The following KRT20 variants were observed in gnomAD, a reference collection of about 807,000 sequenced individuals.
KRT20 encodes keratin, type I cytoskeletal 20.
In KRT20, 41 loss-of-function variants were observed where a neutral mutation model predicts 43.0. That is an observed-to-expected ratio of 0.95 (90% CI 0.74 to 1.24). KRT20 has a LOEUF of 1.24. Among genes scored for constraint, KRT20 ranks in the 50% most tolerant of loss-of-function variants. The pLI is 0.00. For missense variants in KRT20, 533 were observed against 521.2 expected, an observed-to-expected ratio of 1.02 and a Z score of -0.22; for synonymous variants, 207 against 200.6, an observed-to-expected ratio of 1.03 and a Z score of -0.27.
rs1907737250 is a variant in KRT20 at position 40,884,859 on chromosome 17, G to T, written c.327C>A (p.Asn109Lys). The T allele has an allele frequency of 6.2e-7, 1 of 1,614,172 alleles. No individual in the cohort carries two copies. Among genetic ancestry groups the T allele is most frequent in the Non-Finnish European group, 8.5e-7 (1 of 1,180,046 alleles). Residue 109 changes from asparagine to lysine, a missense_variant, in exon 1 of 8, where the codon AAC becomes AAA. Physicochemically the swap from Asn to Lys is moderately conservative, Grantham distance 94 (BLOSUM62 0). Transcript: ENST00000167588. ...EVQIKQWYET[N>K]APRAGRDYSA... ...TGTAGTCGCGACCAGCCCTCGGGGC[G>T]TTGGTTTCGTACCACTGCTTGATTT... is the stretch of plus-strand genomic sequence containing the variant.
chr17:40,880,593 C>T lies in KRT20; in HGVS notation c.630+21G>A, dbSNP rs747302360. 14 of 1,603,732 alleles carry T rather than the reference C, an allele frequency of 8.7e-6. No individual in the cohort carries two copies. The South Asian group carries it at 9.9e-5, about 11-fold the overall frequency. The stretch of plus-strand genomic sequence containing the variant: ...AGAACCATTCCATTGTTTCCAATAC[C>T]ACTTCTGAATATTTTCTCACCTCCT... On this transcript the variant is annotated intron_variant, in intron 3 of 7. Transcript: ENST00000167588.
intron 1 of KRT20, 29 bp downstream of exon 1, chr17:40,884,767 G>C: frequency 6.3e-7 from 1 of 1,592,976 alleles, no homozygotes; most frequent in East Asian, 2.2e-5. Context: ...GCTAAACACA[G>C]AGTAGGAAAC....
Position 40,884,862 on chromosome 17 carries a change from G to A in KRT20, c.324C>T (p.Thr108=). 6.2e-7 allele frequency: 1 copy of A among 1,614,150 alleles called. No individual in the cohort carries two copies. Among genetic ancestry groups the A allele is most frequent in the Non-Finnish European group, 8.5e-7 (1 of 1,180,036 alleles). ...LEVQIKQWYE[T]NAPRAGRDYS... Reference sequence around the variant, plus strand: ...AGTCGCGACCAGCCCTCGGGGCGTTGGTTTCGTACCACTGCTTGATTTGCA... The same window carrying A: ...AGTCGCGACCAGCCCTCGGGGCGTTAGTTTCGTACCACTGCTTGATTTGCA... The change falls in exon 1 of 8, where the codon ACC becomes ACT. Residue 108 remains threonine, a synonymous_variant. Transcript: ENST00000167588.
chr17:40,885,172 C>T lies in KRT20; in HGVS notation c.14G>A (p.Arg5His), dbSNP rs1907761777. The part of the protein sequence containing the change: MDFS[R>H]RSFHRSLSSS... ...GCTCAGGCTTCTGTGGAAGCTTCTG[C>T]GACTGAAATCCATTGGAGATTCCAG... Residue 5 changes from arginine (R) to histidine (H), a missense_variant, in exon 1 of 8, where the codon CGC becomes CAC. By Grantham distance (29) the Arg-to-His change is conservative. Coordinates refer to ENST00000167588, the MANE Select transcript of KRT20 (RefSeq NM_019010.3). 7 of 1,600,186 alleles carry T rather than the reference C, an allele frequency of 4.4e-6. No homozygotes were observed. Among genetic ancestry groups the T allele is most frequent in the African/African-American group, 1.3e-5 (1 of 74,560 alleles).
chr17:40,884,976 C>G lies in KRT20; in HGVS notation c.210G>C (p.Glu70Asp), dbSNP rs201484814. The stretch of plus-strand genomic sequence containing the variant: ...CATTTAGGTTCTGCATGGCCATTTT[C>G]TCATTGCCAACAAACAGGTCCCCGC... The part of the protein sequence containing the change: ...TGGGDLFVGN[E>D]KMAMQNLNDR... The change falls in exon 1 of 8, where the codon GAG (glutamate) becomes GAC (aspartate). Residue 70 changes from glutamate (E) to aspartate (D), a missense_variant. By Grantham distance (45) the Glu-to-Asp change is conservative (BLOSUM62 2). Coordinates refer to ENST00000167588, the MANE Select transcript of KRT20 (RefSeq NM_019010.3). 19 of 1,614,082 alleles carry G rather than the reference C, an allele frequency of 1.2e-5. No individual in the cohort carries two copies. Among genetic ancestry groups the G allele is most frequent in the Non-Finnish European group, 1.6e-5 (19 of 1,180,052 alleles).
chr17:40,877,326 G>A lies in KRT20; in HGVS notation c.1177+54C>T, dbSNP rs957202038. 1.1e-5 allele frequency: 14 copies of A among 1,270,360 alleles called. No individual in the cohort carries two copies. In the Admixed American group the frequency reaches 1.5e-4, roughly 14 times the overall value. The allele number at this position is 1,270,360 out of a possible 1,614,324, so 78.7% of individuals were successfully genotyped here. On this transcript the variant is annotated intron_variant, in intron 7 of 7. Coordinates refer to ENST00000167588, the MANE Select transcript of KRT20 (RefSeq NM_019010.3). ...CTTTACTTTTTATCAGTGGCATGTA[G>A]TTAATAGAAAGCAGCTGAATGTCAT...
chr17:40,878,787 T>C (rs1459465549), intron 5 of KRT20, among the ~76,000 whole-genome samples: 1 of 148,528 alleles, frequency 6.7e-6, no homozygotes, highest in Non-Finnish European at 1.5e-5. Context: ...CAGGTCAAAC[T>C]GACAAATGCC....
intron 5 of KRT20, 113 bp from the exon 6 acceptor site, chr17:40,878,478 T>A (rs1050937739): frequency 4.0e-6 from 3 of 758,462 alleles, no homozygotes; most frequent in East Asian, 2.7e-5. Flanking sequence ...GTGGGCATGG[T>A]GTATATTTCT....
rs1907328757 is a variant in KRT20, at chr17:40,875,937, A to T, written c.*424T>A. The stretch of plus-strand genomic sequence containing the variant: ...ACCAGGGACTCCCAAAGGGGGTTTT[A>T]CAATTCAGAAACAGGAAAAAATTAG... On this transcript the variant is annotated 3_prime_UTR_variant, in exon 8 of 8. Coordinates refer to ENST00000167588, the MANE Select transcript of KRT20 (RefSeq NM_019010.3). 1 of 154,100 alleles carries T rather than the reference A, an allele frequency of 6.5e-6. No homozygotes were observed. The highest frequency in any genetic ancestry group is 2.4e-5 in the African/African-American group (1 of 41,504). 9.5% of individuals were successfully genotyped at this position (154,100 alleles called of 1,614,324 possible).
At chr17:40,877,454 C>T (rs2143295410) in intron 6 of KRT20, 37 bp from the exon 7 acceptor site, 1 of 1,327,956 alleles carries the variant, frequency 7.5e-7, no homozygotes, top group South Asian at 1.5e-5. Flanking sequence ...AAAAAAGAAA[C>T]AGAAAAAAGC....
rs749075299 is a variant in KRT20 at position 40,878,394 on chromosome 17, C to A, written c.919-29G>T. On this transcript the variant is annotated intron_variant, in intron 5 of 7. Transcript: ENST00000167588. ...TGAGCACAAGAAAAATAGGGCACTT[C>A]TTATGTGAGGACTTGATTCAAGAGA... 5 of 1,521,168 alleles carry A rather than the reference C, an allele frequency of 3.3e-6. No homozygotes were observed. The African/African-American group carries it at 6.9e-5, about 21-fold the overall frequency. 94.2% of individuals were successfully genotyped at this position (1,521,168 alleles called of 1,614,324 possible). A position where few individuals can be genotyped will look rare whatever the true frequency, so the allele number is the denominator to read the frequency against.
intron 2 of KRT20, 37 bp downstream of exon 2, chr17:40,882,534 CT>C: frequency 8.4e-7 from 1 of 1,191,828 alleles, no homozygotes; most frequent in Non-Finnish European, 1.2e-6. Flanking sequence ...TAAAGGAATT[CT>C]TTTTCAGAAA....
rs146884374 is a variant in KRT20 at position 40,879,409 on chromosome 17, G to A, written c.918+404C>T. ...CATGGGGGCCTAACAGAGGGTGGAG[G>A]GTAGGAGGAGGGAGAGGATCAGGAA... On this transcript the variant is annotated intron_variant, in intron 5 of 7. Transcript: ENST00000167588. Among the ~76,000 whole-genome samples the A allele has an allele frequency of 5.9e-4, 90 of 152,204 alleles. 1 individual carries two copies. Among genetic ancestry groups the A allele is most frequent in the East Asian group, 4.1e-3 (21 of 5,176 alleles).
chr17:40,878,199 C>G lies in KRT20; in HGVS notation c.1085G>C (p.Arg362Pro). The G allele has an allele frequency of 1.2e-6, 2 of 1,614,046 alleles. No homozygotes were observed. The highest frequency in any genetic ancestry group is 1.1e-5 in the South Asian group (1 of 91,070). ...EYHILLDIKT[R>P]LEQEIATYRR... ...GTAAGTAGCAATTTCCTGTTCAAGTCGAGTCTTTATGTCAAGAAGGATATG... is the reference window on the plus strand; with the variant it reads ...GTAAGTAGCAATTTCCTGTTCAAGTGGAGTCTTTATGTCAAGAAGGATATG... Residue 362 changes from arginine to proline, a missense_variant, in exon 6 of 8, where the codon CGA (arginine) becomes CCA (proline). By Grantham distance (103) the Arg-to-Pro change is moderately radical. Transcript: ENST00000167588.
Position 40,884,797 on chromosome 17 carries a change from T to C in KRT20, c.389A>G (p.Gln130Arg), listed in dbSNP as rs757975020. 1.9e-6 allele frequency: 3 copies of C among 1,610,768 alleles called. No homozygotes were observed. Among genetic ancestry groups the C allele is most frequent in the Non-Finnish European group, 2.5e-6 (3 of 1,177,678 alleles). ...GGAAACACAAGCATCATCTCTCACC[T>C]GACTTCGCAGCTCTTCAATTTGTCT... ...YYRQIEELRS[Q>R]IKDAQLQNAR... is the part of the protein sequence containing the mutation. The change falls in exon 1 of 8, where the codon CAG (glutamine) becomes CGG (arginine). Residue 130 changes from glutamine (Q) to arginine (R), a missense_variant and splice_region_variant. Coordinates refer to ENST00000167588, the MANE Select transcript of KRT20 (RefSeq NM_019010.3).
intron 3 of KRT20, 81 bp from the exon 4 acceptor site, chr17:40,880,342 T>G: frequency 7.8e-7 from 1 of 1,285,314 alleles, no homozygotes; most frequent in Non-Finnish European, 1.1e-6. Flanking sequence ...ATAAGGAGTC[T>G]CATGACCTCT....
In KRT20 at chr17:40,881,915, C is replaced by T. The variant is rs113932134; in HGVS notation, c.473+657G>A. On this transcript the variant is annotated intron_variant, in intron 2 of 7. Coordinates refer to ENST00000167588, the MANE Select transcript of KRT20 (RefSeq NM_019010.3). ...TGAGACAAGGTCTCAGTCTGTTGCC[C>T]AGGTTGCAGTGCAATGGCACGATCT... Among the ~76,000 whole-genome samples the T allele has an allele frequency of 3.3e-3, 495 of 149,132 alleles. 1 individual carries two copies. Among genetic ancestry groups the T allele is most frequent in the African/African-American group, 8.3e-3 (332 of 40,188 alleles).
Sources: allele counts gnomAD v4.1 joint callset (sites outside exome capture counted in the v4.1 genomes callset), GRCh38; gene constraint gnomAD v4.1.1; transcripts MANE v1.5; gene names NCBI Gene and HGNC (gene_info 2026-07-23, HGNC 2026-07-21).